The following SMOC2 variants were observed in gnomAD, a reference collection of about 807,000 sequenced individuals.
The protein encoded by SMOC2 is SPARC related modular calcium binding 2.
Under a neutral mutation model 61.4 loss-of-function variants are expected in SMOC2, and 39 were observed. The ratio of observed to expected loss-of-function variants is 0.64; its 90% CI spans 0.49 to 0.83. The LOEUF (loss-of-function observed/expected upper bound fraction) is 0.83, where lower values mean the gene tolerates loss of function less well. Among genes scored for constraint, SMOC2 ranks in the 40% least tolerant of loss-of-function variants. The pLI is 0.00. For missense variants in SMOC2, 556 were observed against 592.9 expected, an observed-to-expected ratio of 0.94 and a Z score of 0.65; for synonymous variants, 247 against 239.9, an observed-to-expected ratio of 1.03 and a Z score of -0.27.
intron 7 of SMOC2, among the ~76,000 whole-genome samples, chr6:168,587,356 T>C (rs1167627014): frequency 1.3e-5 from 2 of 152,208 alleles, no homozygotes; most frequent in African/African-American, 4.8e-5. Context: ...TTGCCAAGGG[T>C]ATGGATGTAC....
At chr6:168,555,897 G>A (rs1465795471) in intron 7 of SMOC2, among the ~76,000 whole-genome samples, 1 of 152,210 alleles carries the variant, frequency 6.6e-6, no homozygotes, top group Non-Finnish European at 1.5e-5. Flanking sequence ...GCACCGGGCA[G>A]TCCCTTACCA....
chr6:168,504,539 G>GT (rs1239384194), intron 1 of SMOC2, among the ~76,000 whole-genome samples: 2 of 151,850 alleles, frequency 1.3e-5, no homozygotes, highest in Non-Finnish European at 2.9e-5. Context: ...CTGACAGGAG[G>GT]TGGAGCTCAG....
chr6:168,571,388 G>C (rs527411204), intron 7 of SMOC2, among the ~76,000 whole-genome samples: 2 of 152,282 alleles, frequency 1.3e-5, no homozygotes, highest in African/African-American at 4.8e-5. Context: ...ACTCCACCAT[G>C]TGCTCCATAC....
chr6:168,486,431 G>A (rs1234430718), intron 1 of SMOC2, among the ~76,000 whole-genome samples: 2 of 151,990 alleles, frequency 1.3e-5, no homozygotes, highest in East Asian at 1.9e-4. Flanking sequence ...TTGAACTCAA[G>A]AGAGAAAAAA....
rs1484065089 is a variant in SMOC2 at position 168,572,311 on chromosome 6, CCGGG to C, written c.637+23109_637+23112del. Among the ~76,000 whole-genome samples, 55 of 43,804 alleles carry C rather than the reference CCGGG, an allele frequency of 1.3e-3. 3 individuals are homozygous for C. The highest frequency in any genetic ancestry group is 1.8e-3 in the Non-Finnish European group (47 of 26,568). 28.7% of individuals were successfully genotyped at this position (43,804 alleles called of 152,430 possible). ...CAATGTTCACTTTCTCCCCGCATCCCCGGGTGCCGGGACCAGGGCTGTGTGCTCC... is the reference window on the plus strand; with the variant it reads ...CAATGTTCACTTTCTCCCCGCATCCCTGCCGGGACCAGGGCTGTGTGCTCC... On this transcript the variant is annotated intron_variant, in intron 7 of 12. Coordinates refer to ENST00000356284, the MANE Select transcript of SMOC2 (RefSeq NM_001166412.2).
chr6:168,468,066 G>A (rs1274603563), intron 1 of SMOC2, among the ~76,000 whole-genome samples: 7 of 152,132 alleles, frequency 4.6e-5, no homozygotes, highest in African/African-American at 1.2e-4. Flanking sequence ...TAATTACCCT[G>A]TAATAAAAGT....
intron 9 of SMOC2, among the ~76,000 whole-genome samples, chr6:168,623,615 C>T (rs1019943526): frequency 6.9e-5 from 10 of 145,896 alleles, no homozygotes; most frequent in Admixed American, 1.7e-4. Flanking sequence ...GGATTACAGG[C>T]GTGAGCCACC....
intron 1 of SMOC2, among the ~76,000 whole-genome samples, chr6:168,467,227 G>T (rs1402658673): frequency 6.6e-6 from 1 of 151,578 alleles, no homozygotes; most frequent in Non-Finnish European, 1.5e-5. Flanking sequence ...AGGCTGGAGT[G>T]CACTGGCGGC....
chr6:168,596,265 A>C (rs71552345), intron 7 of SMOC2, among the ~76,000 whole-genome samples: 164 of 105,474 alleles, frequency 1.6e-3, no homozygotes, highest in African/African-American at 3.8e-3. Context: ...GCTGGAGAGG[A>C]ATGAACAGGT....
At chr6:168,602,168 G>C (rs74627999) in intron 8 of SMOC2, among the ~76,000 whole-genome samples, 7 of 152,124 alleles carry the variant, frequency 4.6e-5, no homozygotes, top group Admixed American at 1.3e-4. Context: ...GGGGGGTGTC[G>C]GACCCAGAAC....
At chr6:168,490,402 G>A (rs892485587) in intron 1 of SMOC2, among the ~76,000 whole-genome samples, 2 of 152,108 alleles carry the variant, frequency 1.3e-5, no homozygotes, top group African/African-American at 4.8e-5. Flanking sequence ...TCGTCAAGGC[G>A]CGCAGCATAC....
chr6:168,563,391 TTATA>T (rs1243351605), intron 7 of SMOC2, among the ~76,000 whole-genome samples: 1 of 145,102 alleles, frequency 6.9e-6, no homozygotes, highest in Non-Finnish European at 1.6e-5. Flanking sequence ...TATATAAAGT[TTATA>T]TATATTTGTG....
At chr6:168,514,628 G>A (rs909215525) in intron 2 of SMOC2, among the ~76,000 whole-genome samples, 1 of 152,226 alleles carries the variant, frequency 6.6e-6, no homozygotes, top group Non-Finnish European at 1.5e-5. Flanking sequence ...TTAAATATCA[G>A]ATGATGTACT....
At position 168,667,338 on chromosome 6, in the gene SMOC2, T is replaced by C. The variant is rs1583200319; in HGVS notation, c.*900T>C. On this transcript the variant is annotated 3_prime_UTR_variant, in exon 13 of 13. Coordinates refer to ENST00000356284, the MANE Select transcript of SMOC2 (RefSeq NM_001166412.2). Reference sequence around the variant, plus strand: ...GGTCCACCCCAGGGCTACCGGAAGGTAAAATCTTCACCTGAACCAATTATG... The same window carrying C: ...GGTCCACCCCAGGGCTACCGGAAGGCAAAATCTTCACCTGAACCAATTATG... The C allele has an allele frequency of 6.6e-6, 1 of 152,312 alleles. No homozygotes were observed. Among genetic ancestry groups the C allele is most frequent in the East Asian group, 1.9e-4 (1 of 5,168 alleles). 9.4% of individuals were successfully genotyped at this position (152,312 alleles called of 1,614,324 possible). A position where few individuals can be genotyped will look rare whatever the true frequency, so the allele number is the denominator to read the frequency against.
At chr6:168,450,756 T>C (rs187347257) in intron 1 of SMOC2, among the ~76,000 whole-genome samples, 6 of 152,296 alleles carry the variant, frequency 3.9e-5, no homozygotes, top group Admixed American at 3.3e-4. Flanking sequence ...CAACACCAGA[T>C]ATGGTCTTGC....
At chr6:168,451,161 T>TTCCC (rs1213372527) in intron 1 of SMOC2, among the ~76,000 whole-genome samples, 2 of 152,156 alleles carry the variant, frequency 1.3e-5, no homozygotes, top group African/African-American at 4.8e-5. Flanking sequence ...ATACTGAGCT[T>TTCCC]TCCCTCCCTC....
intron 9 of SMOC2, among the ~76,000 whole-genome samples, chr6:168,608,682 T>G (rs1785776079): frequency 6.6e-6 from 1 of 152,204 alleles, no homozygotes; most frequent in East Asian, 1.9e-4. Context: ...TGAATGTATG[T>G]ATTGAGTTTA....
At chr6:168,529,484 C>G (rs547881481) in intron 4 of SMOC2, among the ~76,000 whole-genome samples, 1 of 152,218 alleles carries the variant, frequency 6.6e-6, no homozygotes, top group South Asian at 2.1e-4. Context: ...ACCCCTGGTT[C>G]ACCTGTTCGG....
chr6:168,482,222 A>G (rs1782222854), intron 1 of SMOC2, among the ~76,000 whole-genome samples: 1 of 151,954 alleles, frequency 6.6e-6, no homozygotes, highest in Non-Finnish European at 1.5e-5. Context: ...AGAAAAAGAA[A>G]GAAATAAAAG....
Sources: allele counts gnomAD v4.1 joint callset (sites outside exome capture counted in the v4.1 genomes callset), GRCh38; gene constraint gnomAD v4.1.1; transcripts MANE v1.5; gene names NCBI Gene and HGNC (gene_info 2026-07-23, HGNC 2026-07-21).